Variants in TECRL observed in about 807,000 individuals in gnomAD.
The protein encoded by TECRL is trans-2,3-enoyl-CoA reductase like, also known as trans-2,3-enoyl-CoA reductase-like.
A neutral mutation model predicts 52.8 loss-of-function variants in TECRL; 63 were observed. The observed-to-expected ratio is 1.19, with a 90% CI of 0.97 to 1.47. The LOEUF (loss-of-function observed/expected upper bound fraction) is 1.47. Among genes scored for constraint, TECRL ranks in the 40% most tolerant of loss-of-function variants. The pLI, the probability that TECRL is intolerant of heterozygous loss-of-function variation, is 0.00. For missense variants in TECRL, 482 were observed against 429.6 expected, an observed-to-expected ratio of 1.12 and a Z score of -1.08; for synonymous variants, 164 against 141.9, an observed-to-expected ratio of 1.16 and a Z score of -1.10.
At chr4:64,329,539 T>C (rs1485991002) in intron 2 of TECRL, among the ~76,000 whole-genome samples, 1 of 151,930 alleles carries the variant, frequency 6.6e-6, no homozygotes, top group African/African-American at 2.4e-5. Context: ...ATATATTGTA[T>C]GTTTTACCTT....
intron 6 of TECRL, among the ~76,000 whole-genome samples, chr4:64,306,381 T>A (rs1724339832): frequency 6.6e-6 from 1 of 152,154 alleles, no homozygotes; most frequent in South Asian, 2.1e-4. Context: ...AGGCTAGATC[T>A]TGGTGTTACG....
intron 9 of TECRL, among the ~76,000 whole-genome samples, chr4:64,285,368 C>T (rs895641574): frequency 1.3e-5 from 2 of 152,094 alleles, no homozygotes; most frequent in African/African-American, 2.4e-5. Context: ...GCATGGTTCT[C>T]ATTCCTTGCC....
intron 3 of TECRL, among the ~76,000 whole-genome samples, chr4:64,325,321 A>G (rs1219592810): frequency 6.6e-6 from 1 of 152,198 alleles, no homozygotes; most frequent in East Asian, 1.9e-4. Context: ...TGCTGAGAGA[A>G]TTAAATTTAT....
chr4:64,304,355 T>C (rs1724204182), intron 7 of TECRL, among the ~76,000 whole-genome samples: 1 of 152,008 alleles, frequency 6.6e-6, no homozygotes, highest in African/African-American at 2.4e-5. Context: ...ACTGAACTTG[T>C]TGGTTTTGGC....
chr4:64,395,898 T>C (rs1322394849), intron 1 of TECRL, among the ~76,000 whole-genome samples: 1 of 152,160 alleles, frequency 6.6e-6, no homozygotes, highest in Non-Finnish European at 1.5e-5. Flanking sequence ...AATGTTTAGA[T>C]CCTATTTATA....
chr4:64,310,567 TGTG>T (rs1724616090), intron 5 of TECRL, among the ~76,000 whole-genome samples: 3 of 152,180 alleles, frequency 2.0e-5, no homozygotes, highest in Non-Finnish European at 2.9e-5. Flanking sequence ...TAAACAAAAA[TGTG>T]ATTGATTTAC....
chr4:64,385,507 G>A (rs146593360), intron 1 of TECRL, among the ~76,000 whole-genome samples: 75 of 152,206 alleles, frequency 4.9e-4, no homozygotes, highest in African/African-American at 1.8e-3. Flanking sequence ...CTGGGACACA[G>A]GATACTGCAT....
At chr4:64,341,952 C>T (rs1051358913) in intron 2 of TECRL, among the ~76,000 whole-genome samples, 4 of 152,188 alleles carry the variant, frequency 2.6e-5, no homozygotes, top group Non-Finnish European at 4.4e-5. Flanking sequence ...CCCTTTGTCA[C>T]TCCACACCTG....
At chr4:64,371,180 A>T (rs13134463) in intron 2 of TECRL, among the ~76,000 whole-genome samples, 55,594 of 151,336 alleles carry the variant, frequency 0.37, 12,584 homozygotes, top group East Asian at 0.61. Context: ...AAGCACTTTT[A>T]ACTACAAACC....
chr4:64,388,958 T>C (rs1213775342), intron 1 of TECRL, among the ~76,000 whole-genome samples: 1 of 151,918 alleles, frequency 6.6e-6, no homozygotes, highest in Non-Finnish European at 1.5e-5. Flanking sequence ...GAAACCTTGC[T>C]GCAAATCCAT....
At chr4:64,289,853 G>T in intron 8 of TECRL, 86 bp from the exon 9 acceptor site, 2 of 781,554 alleles carry the variant, frequency 2.6e-6, no homozygotes, top group African/African-American at 1.8e-5. Context: ...TAAAATCTGT[G>T]TTGTACATTA....
At chr4:64,312,908 C>T (rs1560490393) in intron 5 of TECRL, among the ~76,000 whole-genome samples, 1 of 152,140 alleles carries the variant, frequency 6.6e-6, no homozygotes, top group African/African-American at 2.4e-5. Context: ...CTTCCAATCT[C>T]TTTATCCCAG....
intron 2 of TECRL, among the ~76,000 whole-genome samples, chr4:64,357,715 A>T (rs561077958): frequency 6.6e-6 from 1 of 151,688 alleles, no homozygotes; most frequent in African/African-American, 2.4e-5. Context: ...TTACAAGCAC[A>T]AATTCTATTT....
intron 8 of TECRL, among the ~76,000 whole-genome samples, chr4:64,298,605 T>C (rs979373135): frequency 1.6e-4 from 24 of 151,114 alleles, no homozygotes; most frequent in African/African-American, 5.8e-4. Flanking sequence ...AATAAATACA[T>C]ACATAGCCAT....
rs1389175399 is a variant in TECRL, at chr4:64,279,744, TG to T, written c.*327del. On this transcript the variant is annotated 3_prime_UTR_variant, in exon 12 of 12. Coordinates refer to ENST00000381210, the MANE Select transcript of TECRL (RefSeq NM_001010874.5). ...TGTCTGTTCAGATCGCTTTTTCATTTGTTAATCAGATTTTTTTTTTTGCTGT... is the reference window on the plus strand; with the variant it reads ...TGTCTGTTCAGATCGCTTTTTCATTTTTAATCAGATTTTTTTTTTTGCTGT... 4.6e-6 allele frequency: 4 copies of T among 870,596 alleles called. No individual in the cohort carries two copies. The highest frequency in any genetic ancestry group is 3.7e-5 in the African/African-American group (1 of 27,006). The allele number at this position is 870,596 out of a possible 1,614,324, so 53.9% of individuals were successfully genotyped here. A position where few individuals can be genotyped will look rare whatever the true frequency, so the allele number is the denominator to read the frequency against.
chr4:64,322,890 A>C, intron 3 of TECRL, 98 bp from the exon 4 acceptor site: 1 of 838,266 alleles, frequency 1.2e-6, no homozygotes. Context: ...CTAAAGATTA[A>C]TTTAATATGG....
At chr4:64,396,255 C>T (rs1723943324) in intron 1 of TECRL, among the ~76,000 whole-genome samples, 1 of 152,128 alleles carries the variant, frequency 6.6e-6, no homozygotes, top group African/African-American at 2.4e-5. Flanking sequence ...AACTGCTTTC[C>T]TCAATGATTG....
intron 2 of TECRL, among the ~76,000 whole-genome samples, chr4:64,356,596 G>A (rs1402783326): frequency 6.6e-6 from 1 of 152,138 alleles, no homozygotes; most frequent in African/African-American, 2.4e-5. Context: ...TTGTGACACA[G>A]ATTCCTTTGC....
At chr4:64,317,932 C>A (rs1254996051) in intron 4 of TECRL, among the ~76,000 whole-genome samples, 3 of 151,978 alleles carry the variant, frequency 2.0e-5, no homozygotes, top group Non-Finnish European at 4.4e-5. Flanking sequence ...AATAAAAAAA[C>A]AAAAACAGTT....
Sources: allele counts gnomAD v4.1 joint callset (sites outside exome capture counted in the v4.1 genomes callset), GRCh38; gene constraint gnomAD v4.1.1; transcripts MANE v1.5; gene names NCBI Gene and HGNC (gene_info 2026-07-23, HGNC 2026-07-21).